The following SMARCA2 variants were observed in gnomAD, a reference collection of about 807,000 sequenced individuals.
The protein encoded by SMARCA2 is SWI/SNF related BAF chromatin remodeling complex subunit ATPase 2.
In SMARCA2, 61 loss-of-function variants were observed where a neutral mutation model predicts 199.8. The observed-to-expected ratio is 0.31, with a 90% confidence interval of 0.25 to 0.38. SMARCA2 has a LOEUF of 0.38. Among genes scored for constraint, SMARCA2 ranks in the 10% least tolerant of loss-of-function variants. The pLI is 1.00. For synonymous variants in SMARCA2, 935 were observed against 732.0 expected (o/e 1.28, Z -4.48); for missense variants, 1,344 against 2,012.2 (o/e 0.67, Z 6.35).
intron 10 of SMARCA2, chr9:2,071,940 A>C (rs1378386097): frequency 6.6e-6 from 1 of 152,234 alleles, no homozygotes; most frequent in Admixed American, 6.5e-5. Flanking sequence ...AGCACACACA[A>C]AAGAAAAAAA....
At chr9:2,191,242 C>CTAT (rs755767381) in intron 32 of SMARCA2, 24 bp from the exon 33 acceptor site, 13 of 1,611,386 alleles carry the variant, frequency 8.1e-6, no homozygotes, top group Non-Finnish European at 1.1e-5. Flanking sequence ...TCACTGGTGT[C>CTAT]TATTTCATTT....
intron 7 of SMARCA2, chr9:2,058,022 C>T (rs901920763): frequency 3.7e-6 from 1 of 271,896 alleles, no homozygotes; most frequent in Non-Finnish European, 7.0e-6. Flanking sequence ...TTCGATCTTT[C>T]CATTCTCATG....
Position 2,192,638 on chromosome 9 carries a change from G to C in SMARCA2, c.4738-66G>C, listed in dbSNP as rs74308155. 643 of 1,120,454 alleles carry C rather than the reference G, an allele frequency of 5.7e-4. 8 individuals are homozygous for C. In the East Asian group the frequency reaches 0.013, roughly 23 times the overall value. The allele number at this position is 1,120,454 out of a possible 1,614,324, so 69.4% of individuals were successfully genotyped here. A position where few individuals can be genotyped will look rare whatever the true frequency, so the allele number is the denominator to read the frequency against. ...TTTCCTACTGGCCTCTTGATGGTTT[G>C]TTGTTATATCTTCTTTTTCTTGCAT... On this transcript the variant is annotated intron_variant, in intron 33 of 33. Transcript: ENST00000349721.
At position 2,084,231 on chromosome 9, in the gene SMARCA2, G is replaced by T. The variant is rs769986768; in HGVS notation, c.2526+35G>T. ...TAAAAAATTATTTTCTCTCTAATTA[G>T]GACCATTGCACTGGAATGTGAAGTA... On this transcript the variant is annotated intron_variant, in intron 17 of 33. Transcript: ENST00000349721. The T allele has an allele frequency of 9.9e-6, 11 of 1,115,462 alleles. No individual in the cohort carries two copies. The South Asian group carries it at 1.4e-4, about 15-fold the overall frequency. 69.1% of individuals were successfully genotyped at this position (1,115,462 alleles called of 1,614,324 possible). A position where few individuals can be genotyped will look rare whatever the true frequency, so the allele number is the denominator to read the frequency against.
At chr9:2,138,896 G>T (rs1017093148) in intron 27 of SMARCA2, among the ~76,000 whole-genome samples, 2 of 152,142 alleles carry the variant, frequency 1.3e-5, no homozygotes, top group African/African-American at 4.8e-5. Context: ...ACTCAGAGGG[G>T]TGTGGGTGAG....
At position 2,056,669 on chromosome 9, in the gene SMARCA2, C is replaced by T; in HGVS notation, c.1174-3C>T. ...GGCTGTCTAACTGCTCTCTTCTTGA[C>T]AGCTGAGACAGGAGGTGGTGGCCTG... is the stretch of plus-strand genomic sequence containing the variant. On this transcript the variant is annotated splice_region_variant and splice_polypyrimidine_tract_variant and intron_variant, in intron 6 of 33. Transcript: ENST00000349721. The surrounding 1 kb of genome is among the most constrained non-coding windows in gnomAD (Gnocchi z 4.0). 1 of 1,612,056 alleles carries T rather than the reference C, an allele frequency of 6.2e-7. No individual in the cohort carries two copies. The highest frequency in any genetic ancestry group is 8.5e-7 in the Non-Finnish European group (1 of 1,179,210).
At chr9:2,079,124 C>T (rs1028881298) in intron 14 of SMARCA2, among the ~76,000 whole-genome samples, 6 of 152,106 alleles carry the variant, frequency 3.9e-5, no homozygotes, top group Admixed American at 2.0e-4. Flanking sequence ...GAACAACAAC[C>T]AGATACGGTC....
At chr9:2,073,416 CTA>C in intron 11 of SMARCA2, 74 bp downstream of exon 11, 1 of 1,580,512 alleles carries the variant, frequency 6.3e-7, no homozygotes. Context: ...GATCTCGAAA[CTA>C]AAACTACACA....
Position 2,123,658 on chromosome 9 carries a change from T to C in SMARCA2, c.3763-61T>C. 7.0e-7 allele frequency: 1 copy of C among 1,429,574 alleles called. No individual in the cohort carries two copies. The highest frequency in any genetic ancestry group is 1.8e-5 in the Admixed American group (1 of 56,804). The allele number at this position is 1,429,574 out of a possible 1,614,324, so 88.6% of individuals were successfully genotyped here. A position where few individuals can be genotyped will look rare whatever the true frequency, so the allele number is the denominator to read the frequency against. ...GTGACTTGGGGAAGTTGTGTAGTGC[T>C]GGGAAGTCTGCACCATACAGAAGCC... is the stretch of plus-strand genomic sequence containing the variant. On this transcript the variant is annotated intron_variant, in intron 26 of 33. Coordinates refer to ENST00000349721, the MANE Select transcript of SMARCA2 (RefSeq NM_003070.5). The surrounding 1 kb of genome is among the most constrained non-coding windows in gnomAD (Gnocchi z 4.1).
chr9:2,161,620 C>T lies in SMARCA2; in HGVS notation c.3982-66C>T, dbSNP rs891000472. The T allele has an allele frequency of 9.4e-7, 1 of 1,062,664 alleles. No homozygotes were observed. The allele number at this position is 1,062,664 out of a possible 1,614,324, so 65.8% of individuals were successfully genotyped here. On this transcript the variant is annotated intron_variant, in intron 27 of 33. Transcript: ENST00000349721. The surrounding 1 kb of genome is among the most constrained non-coding windows in gnomAD (Gnocchi z 4.7). ...ATTGTTGGAGCTATATATAAATATA[C>T]ACATACTTTTTTTGTCTTGGTTATT... is the stretch of plus-strand genomic sequence containing the variant.
Position 2,088,529 on chromosome 9 carries a change from G to T in SMARCA2, c.2799G>T (p.Leu933Phe). 1 of 1,587,804 alleles carries T rather than the reference G, an allele frequency of 6.3e-7. No homozygotes were observed. The highest frequency in any genetic ancestry group is 1.2e-5 in the South Asian group (1 of 84,444). The change falls in exon 19 of 34, where the codon TTG (leucine) becomes TTT (phenylalanine). Residue 933 changes from leucine to phenylalanine, a missense_variant. Around this residue, in one of 18 missense-constraint regions of SMARCA2, gnomAD observed 98 missense variants for 245.6 expected, o/e 0.40. Transcript: ENST00000349721. The stretch of plus-strand genomic sequence containing the variant: ...ACTTAAATGAAGAAGAAACTATATT[G>T]ATCATCAGGCGTCTACATAAGGTGT... ...RVDLNEEETILIIRRLHKVLR... is the reference protein window; with the variant it reads ...RVDLNEEETIFIIRRLHKVLR...
At chr9:2,182,790 C>T (rs932461495) in intron 31 of SMARCA2, among the ~76,000 whole-genome samples, 6 of 135,844 alleles carry the variant, frequency 4.4e-5, no homozygotes, top group Non-Finnish European at 4.6e-5. Context: ...CCACCACACC[C>T]GGCCTCAAAG....
intron 13 of SMARCA2, 43 bp downstream of exon 13, chr9:2,076,372 T>G: frequency 8.6e-7 from 1 of 1,165,304 alleles, no homozygotes; most frequent in Non-Finnish European, 1.3e-6. Flanking sequence ...TGCATGAGGA[T>G]GATGCTTAAT....
At chr9:2,191,017 C>A (rs1385823813) in intron 32 of SMARCA2, among the ~76,000 whole-genome samples, 1 of 152,196 alleles carries the variant, frequency 6.6e-6, no homozygotes, top group Non-Finnish European at 1.5e-5. Flanking sequence ...CCACTGTCCT[C>A]CATGAGACCT....
At position 2,119,876 on chromosome 9, in the gene SMARCA2, G is replaced by A. The variant is rs368779699; in HGVS notation, c.3762+341G>A. The stretch of plus-strand genomic sequence containing the variant: ...CAGCTGCACTCTCTGGACAGGCCTC[G>A]CGGTCTACAGCTTACCATAGACGCC... On this transcript the variant is annotated intron_variant, in intron 26 of 33. Coordinates refer to ENST00000349721, the MANE Select transcript of SMARCA2 (RefSeq NM_003070.5). The surrounding 1 kb of genome is among the most constrained non-coding windows in gnomAD (Gnocchi z 4.6). Among the ~76,000 whole-genome samples the A allele has an allele frequency of 1.3e-5, 2 of 152,172 alleles. No individual in the cohort carries two copies. The highest frequency in any genetic ancestry group is 2.9e-5 in the Non-Finnish European group (2 of 68,046).
At chr9:2,130,508 C>T (rs751967787) in intron 27 of SMARCA2, among the ~76,000 whole-genome samples, 4 of 152,222 alleles carry the variant, frequency 2.6e-5, no homozygotes, top group Non-Finnish European at 5.9e-5. Flanking sequence ...TAATTCTGCT[C>T]AAGGCAATGA....
At chr9:2,077,578 A>G (rs766835484) in intron 13 of SMARCA2, 51 bp from the exon 14 acceptor site, 5 of 1,570,568 alleles carry the variant, frequency 3.2e-6, no homozygotes, top group Non-Finnish European at 4.4e-6. Flanking sequence ...AAGTAAAACA[A>G]CACATGCACG....
chr9:2,034,000 G>A (rs952133005), intron 3 of SMARCA2, among the ~76,000 whole-genome samples: 3 of 152,002 alleles, frequency 2.0e-5, no homozygotes, highest in African/African-American at 7.2e-5. Flanking sequence ...TAATCCCAGC[G>A]CTTTGGGAGG....
rs1175682241 is a variant in SMARCA2, at chr9:2,170,816, G to C, written c.4253+344G>C. Among the ~76,000 whole-genome samples the C allele has an allele frequency of 6.6e-6, 1 of 152,164 alleles. No individual in the cohort carries two copies. Among genetic ancestry groups the C allele is most frequent in the Admixed American group, 6.5e-5 (1 of 15,284 alleles). ...CGCAGCTTCTGTTGTGTGTTCCTTG[G>C]GCCTCTTTAACTCTGTGCTGTCTTG... is the stretch of plus-strand genomic sequence containing the variant. On this transcript the variant is annotated intron_variant, in intron 29 of 33. Transcript: ENST00000349721. This position sits in a 1 kb window ranked among gnomAD's most constrained non-coding sequence, Gnocchi z 4.7.
Sources: allele counts gnomAD v4.1 joint callset (sites outside exome capture counted in the v4.1 genomes callset), GRCh38; gene constraint gnomAD v4.1.1; regional missense constraint gnomAD v4.1.1; non-coding constraint Gnocchi (gnomAD v3.1); transcripts MANE v1.5; gene names NCBI Gene and HGNC (gene_info 2026-07-23, HGNC 2026-07-21).